DNAI3: variants seen among roughly 807,000 people sequenced by gnomAD.
The protein encoded by DNAI3 is WD repeat domain 63.
Under a neutral mutation model 115.5 loss-of-function variants are expected in DNAI3, and 83 were observed. That is an observed-to-expected ratio of 0.72 (90% CI 0.60 to 0.86). The LOEUF is 0.86. Among genes scored for constraint, DNAI3 ranks in the 40% least tolerant of loss-of-function variants. The pLI is 0.00. For missense variants in DNAI3, 1,004 were observed against 1,075.8 expected (o/e 0.93, Z 0.93); for synonymous variants, 320 against 347.0 (o/e 0.92, Z 0.86).
At chr1:85,089,240 C>G (rs1654889901) in intron 7 of DNAI3, among the ~76,000 whole-genome samples, 1 of 151,520 alleles carries the variant, frequency 6.6e-6, no homozygotes, top group Non-Finnish European at 1.5e-5. Context: ...AGAACACAGG[C>G]ACAGAAGGTT....
At chr1:85,091,429 C>T (rs985010557) in intron 8 of DNAI3, among the ~76,000 whole-genome samples, 4 of 152,086 alleles carry the variant, frequency 2.6e-5, no homozygotes, top group African/African-American at 9.7e-5. Flanking sequence ...GAAGGAGAAG[C>T]CAGATCTATA....
chr1:85,089,589 A>T (rs1654907417), intron 7 of DNAI3, among the ~76,000 whole-genome samples: 1 of 151,438 alleles, frequency 6.6e-6, no homozygotes, highest in Admixed American at 6.6e-5. Flanking sequence ...GGGGCTGGAT[A>T]ATTCTCTTTG....
intron 3 of DNAI3, among the ~76,000 whole-genome samples, chr1:85,077,779 A>G (rs1654506691): frequency 6.6e-6 from 1 of 152,024 alleles, no homozygotes; most frequent in Admixed American, 6.6e-5. Context: ...GTATGTGCAT[A>G]TATTTATCAA....
At chr1:85,130,229 T>C (rs1331700824) in intron 22 of DNAI3, 117 bp downstream of exon 22, 8 of 1,424,386 alleles carry the variant, frequency 5.6e-6, no homozygotes, top group Non-Finnish European at 6.7e-6. Context: ...TCTTCTCTTG[T>C]TCTCATGAGA....
At chr1:85,089,659 A>G (rs1410667357) in intron 7 of DNAI3, among the ~76,000 whole-genome samples, 1 of 151,920 alleles carries the variant, frequency 6.6e-6, no homozygotes, top group African/African-American at 2.4e-5. Flanking sequence ...TCTATTCACT[A>G]GACACCAGTA....
At chr1:85,087,599 T>A (rs1451739904) in intron 7 of DNAI3, among the ~76,000 whole-genome samples, 1 of 152,104 alleles carries the variant, frequency 6.6e-6, no homozygotes, top group Non-Finnish European at 1.5e-5. Context: ...TTAAGCTCTA[T>A]GAGATAAAAA....
chr1:85,090,299 G>A (rs1571170885), intron 8 of DNAI3, 67 bp downstream of exon 8: 1 of 888,978 alleles, frequency 1.1e-6, no homozygotes, highest in Non-Finnish European at 1.6e-6. Flanking sequence ...AGAATAACAG[G>A]TCTAAATAAA....
In DNAI3 at chr1:85,085,956, C is replaced by G; in HGVS notation, c.666C>G (p.Thr222=). The G allele has an allele frequency of 1.2e-6, 2 of 1,614,080 alleles. No individual in the cohort carries two copies. The highest frequency in any genetic ancestry group is 1.7e-6 in the Non-Finnish European group (2 of 1,180,004). The change falls in exon 7 of 23, where the codon ACC becomes ACG. Residue 222 remains threonine (T), a synonymous_variant. Coordinates refer to ENST00000294664, the MANE Select transcript of DNAI3 (RefSeq NM_145172.5). ...ECTAYPDKNF[T]LKQLEKDVGM... The stretch of plus-strand genomic sequence containing the variant: ...CAGCCTACCCAGATAAAAATTTTAC[C>G]CTTAAACAACTTGAAAAAGATGTTG...
intron 16 of DNAI3, among the ~76,000 whole-genome samples, chr1:85,113,543 A>G (rs1028861784): frequency 6.6e-6 from 1 of 152,196 alleles, no homozygotes; most frequent in Non-Finnish European, 1.5e-5. Flanking sequence ...TCTAAACTCT[A>G]TTCTGTTCCA....
At chr1:85,112,691 G>T (rs905594553) in intron 16 of DNAI3, among the ~76,000 whole-genome samples, 2 of 152,114 alleles carry the variant, frequency 1.3e-5, no homozygotes, top group Non-Finnish European at 2.9e-5. Flanking sequence ...GCAAATTTTC[G>T]CATGTTTTTT....
intron 22 of DNAI3, among the ~76,000 whole-genome samples, chr1:85,131,243 G>A (rs1412900618): frequency 6.6e-6 from 1 of 151,912 alleles, no homozygotes; most frequent in Non-Finnish European, 1.5e-5. Context: ...TCAGGAGTTC[G>A]AGACCAGCTT....
At chr1:85,093,839 C>T (rs933991555) in intron 9 of DNAI3, 191 bp downstream of exon 9, 3 of 712,128 alleles carry the variant, frequency 4.2e-6, no homozygotes, top group Non-Finnish European at 7.5e-6. Context: ...GTAGGATACA[C>T]ACCTGTCATT....
chr1:85,063,295 A>G (rs1653991676), intron 1 of DNAI3, among the ~76,000 whole-genome samples: 1 of 149,546 alleles, frequency 6.7e-6, no homozygotes, highest in Non-Finnish European at 1.5e-5. Flanking sequence ...GATTGAAGCA[A>G]GCAGAGAGAT....
At position 85,131,460 on chromosome 1, in the gene DNAI3, AAAAT is replaced by A. The variant is rs1385924683; in HGVS notation, c.2532+1352_2532+1355del. Among the ~76,000 whole-genome samples the A allele has an allele frequency of 6.2e-3, 922 of 147,770 alleles. 30 individuals are homozygous for A. Among genetic ancestry groups the A allele is most frequent in the African/African-American group, 0.021 (850 of 39,660 alleles). On this transcript the variant is annotated intron_variant, in intron 22 of 22. Coordinates refer to ENST00000294664, the MANE Select transcript of DNAI3 (RefSeq NM_145172.5). The stretch of plus-strand genomic sequence containing the variant: ...ACTCCATCTCAAAAAAAAAAAAAAA[AAAAT>A]AAAGCATTAGCATGTGGAAATATTG...
At chr1:85,123,262 C>T (rs2125372) in intron 18 of DNAI3, among the ~76,000 whole-genome samples, 96,456 of 152,020 alleles carry the variant, frequency 0.63, 31,832 homozygotes, top group South Asian at 0.83. Context: ...TCCATTCTCC[C>T]CACAACAGCC....
intron 13 of DNAI3, among the ~76,000 whole-genome samples, chr1:85,098,922 G>C (rs1342873826): frequency 6.6e-6 from 1 of 152,154 alleles, no homozygotes; most frequent in Non-Finnish European, 1.5e-5. Flanking sequence ...GAGAAGATGA[G>C]GGCTTGATGT....
In DNAI3 at chr1:85,110,128, AAC is replaced by A; in HGVS notation, c.1783_1784del (p.Gln595ArgfsTer20). 6.2e-7 allele frequency: 1 copy of A among 1,613,364 alleles called. No individual in the cohort carries two copies. The highest frequency in any genetic ancestry group is 8.5e-7 in the Non-Finnish European group (1 of 1,179,644). On this transcript the variant is annotated frameshift_variant, in exon 16 of 23. Coordinates refer to ENST00000294664, the MANE Select transcript of DNAI3 (RefSeq NM_145172.5). LOFTEE classifies it high-confidence loss of function. ...SLNEDHLLCK[T>X]QDKMLAQSKT... Reference sequence around the variant, plus strand: ...TGAATGAAGACCATCTTCTTTGCAAAACACAAGGTAACTGCCTTTGCTTATTT... The same window carrying A: ...TGAATGAAGACCATCTTCTTTGCAAAACAAGGTAACTGCCTTTGCTTATTT...
chr1:85,068,054 C>A (rs1654152032), intron 1 of DNAI3, among the ~76,000 whole-genome samples: 2 of 151,984 alleles, frequency 1.3e-5, no homozygotes, highest in South Asian at 4.1e-4. Context: ...AGGTAGAAGC[C>A]TTTTGTTTAG....
Position 85,132,930 on chromosome 1 carries a change from A to T in DNAI3, c.2608A>T (p.Lys870Ter). 6.2e-7 allele frequency: 1 copy of T among 1,614,054 alleles called. No individual in the cohort carries two copies. Among genetic ancestry groups the T allele is most frequent in the Non-Finnish European group, 8.5e-7 (1 of 1,179,942 alleles). The change falls in exon 23 of 23, where the codon AAG becomes TAG. Residue 870 changes from lysine to a stop codon, truncating the protein, a stop_gained. Coordinates refer to ENST00000294664, the MANE Select transcript of DNAI3 (RefSeq NM_145172.5). LOFTEE classifies it low-confidence loss of function (END_TRUNC). ...MDYESYLELE[K>*]TVLINLGLIK... Reference sequence around the variant, plus strand: ...CTATGAGAGTTATCTGGAACTGGAAAAGACTGTTCTTATCAACCTTGGCCT... The same window carrying T: ...CTATGAGAGTTATCTGGAACTGGAATAGACTGTTCTTATCAACCTTGGCCT...
Sources: gnomAD v4.1 joint callset for allele counts (sites outside exome capture counted in the v4.1 genomes callset) on GRCh38, gnomAD v4.1.1 for gene constraint, MANE v1.5 for transcripts, NCBI Gene and HGNC (gene_info 2026-07-23, HGNC 2026-07-21) for gene names.